The following SULF2 variants were observed in gnomAD, a reference collection of about 807,000 sequenced individuals.
The protein encoded by SULF2 is extracellular sulfatase Sulf-2.
In SULF2, 52 loss-of-function variants were observed where a neutral mutation model predicts 107.7. That is an observed-to-expected ratio of 0.48 (90% CI 0.39 to 0.61). SULF2 has a LOEUF of 0.61. Ranked by LOEUF, SULF2 falls within the 20% of genes least tolerant of loss-of-function variation. SULF2 has a pLI of 0.00. For synonymous variants in SULF2, 460 were observed against 464.3 expected, an observed-to-expected ratio of 0.99 and a Z score of 0.12; for missense variants, 993 against 1,177.3, an observed-to-expected ratio of 0.84 and a Z score of 2.29.
Position 47,664,122 on chromosome 20 carries a change from G to T in SULF2, c.2057+8C>A, listed in dbSNP as rs2087183342. ...CATCTCTTCCCCAGGACCTCAAGCT[G>T]CTCTTACCTGAAAGGATGCAGACTG... On this transcript the variant is annotated splice_region_variant and intron_variant, in intron 15 of 20. Transcript: ENST00000688720. 1 of 1,613,434 alleles carries T rather than the reference G, an allele frequency of 6.2e-7. No individual in the cohort carries two copies. Among genetic ancestry groups the T allele is most frequent in the South Asian group, 1.1e-5 (1 of 90,948 alleles).
chr20:47,665,868 T>G lies in SULF2; in HGVS notation c.1891A>C (p.Ile631Leu). ...LQAWKDHKLH[I>L]DHEIETLQNK... ...CGCTCTCCACTCACCTCGTGGTCGA[T>G]GTGCAGCTTGTGGTCTTTCCAGGCC... is the stretch of plus-strand genomic sequence containing the variant. The change falls in exon 13 of 21, where the codon ATC becomes CTC. Residue 631 changes from isoleucine to leucine, a missense_variant. Physicochemically the swap from Ile to Leu is conservative, Grantham distance 5 (BLOSUM62 2). Coordinates refer to ENST00000688720, the MANE Select transcript of SULF2 (RefSeq NM_001387048.1). 1 of 1,613,882 alleles carries G rather than the reference T, an allele frequency of 6.2e-7. No individual in the cohort carries two copies. The highest frequency in any genetic ancestry group is 8.5e-7 in the Non-Finnish European group (1 of 1,179,864).
chr20:47,754,835 T>G (rs2090243896), intron 2 of SULF2, among the ~76,000 whole-genome samples: 1 of 152,144 alleles, frequency 6.6e-6, no homozygotes. Flanking sequence ...GTTCAAATCT[T>G]GTTTTTCTCT....
Position 47,694,324 on chromosome 20 carries a change from G to A in SULF2, c.568-4029C>T, listed in dbSNP as rs2088302906. Among the ~76,000 whole-genome samples the A allele has an allele frequency of 6.6e-6, 1 of 152,142 alleles. No homozygotes were observed. ...GGAGGGGCGGGTGACCCCCACCCCT[G>A]TTGGTCTCTGGTTTGGGCAGTTGAG... On this transcript the variant is annotated intron_variant, in intron 4 of 20. Coordinates refer to ENST00000688720, the MANE Select transcript of SULF2 (RefSeq NM_001387048.1). The surrounding 1 kb of genome is among the most constrained non-coding windows in gnomAD (Gnocchi z 4.4).
At chr20:47,664,674 G>A (rs1280199497) in intron 14 of SULF2, among the ~76,000 whole-genome samples, 1 of 152,186 alleles carries the variant, frequency 6.6e-6, no homozygotes, top group Non-Finnish European at 1.5e-5. Flanking sequence ...GTCCAGTATG[G>A]TAGCCACTGG....
upstream of SULF2, chr20:47,785,534 A>AGCGCCG (rs1568941965): frequency 2.1e-5 from 2 of 96,278 alleles, no homozygotes; most frequent in Non-Finnish European, 4.6e-5. Flanking sequence ...CCCGCCCCCC[A>AGCGCCG]ACGCCGCCGC....
intron 4 of SULF2, 40 bp downstream of exon 4, chr20:47,702,479 G>A: frequency 6.3e-7 from 1 of 1,598,256 alleles, no homozygotes; most frequent in Non-Finnish European, 8.5e-7. Context: ...TAACTGCTGG[G>A]CCACACAGCC....
chr20:47,669,313 CGTGGATCAAG>C (rs1443000498), intron 11 of SULF2, among the ~76,000 whole-genome samples: 1 of 152,182 alleles, frequency 6.6e-6, no homozygotes, highest in Non-Finnish European at 1.5e-5. Flanking sequence ...CCAGGATCCC[CGTGGATCAAG>C]GTGGGCCAGG....
intron 1 of SULF2, among the ~76,000 whole-genome samples, chr20:47,778,012 G>C (rs1021518571): frequency 7.9e-5 from 12 of 151,426 alleles, no homozygotes; most frequent in Non-Finnish European, 1.5e-4. Flanking sequence ...ATGGTGGCCT[G>C]TGCCTATAGT....
intron 1 of SULF2, among the ~76,000 whole-genome samples, chr20:47,764,335 T>G (rs2146941361): frequency 6.7e-6 from 1 of 150,130 alleles, no homozygotes; most frequent in African/African-American, 2.5e-5. Context: ...AAAACAATGC[T>G]TGCGGCATAG....
chr20:47,761,142 C>T (rs2146927456), intron 1 of SULF2, among the ~76,000 whole-genome samples: 1 of 152,328 alleles, frequency 6.6e-6, no homozygotes, highest in African/African-American at 2.4e-5. Flanking sequence ...ACCGCTGCAG[C>T]TGTCCTGCGT....
intron 1 of SULF2, among the ~76,000 whole-genome samples, chr20:47,772,428 T>C (rs2146971029): frequency 6.6e-6 from 1 of 151,028 alleles, no homozygotes; most frequent in South Asian, 2.1e-4. Flanking sequence ...CATACTTAGA[T>C]GGCAACAGTA....
chr20:47,766,253 G>A (rs2090526192), intron 1 of SULF2, among the ~76,000 whole-genome samples: 1 of 152,152 alleles, frequency 6.6e-6, no homozygotes, highest in African/African-American at 2.4e-5. Flanking sequence ...CCTCCTCTTT[G>A]GGGCCGTCAA....
At chr20:47,721,674 T>C (rs1353416326) in intron 3 of SULF2, among the ~76,000 whole-genome samples, 1 of 152,162 alleles carries the variant, frequency 6.6e-6, no homozygotes, top group African/African-American at 2.4e-5. Flanking sequence ...CCGGCCTGCA[T>C]GTGGGTTTCT....
chr20:47,690,497 A>C (rs1467084788), intron 4 of SULF2, among the ~76,000 whole-genome samples: 1 of 152,240 alleles, frequency 6.6e-6, no homozygotes. Flanking sequence ...AAATGATGCA[A>C]ATGGTGCTAA....
intron 1 of SULF2, among the ~76,000 whole-genome samples, chr20:47,764,959 C>G (rs1310766146): frequency 1.3e-5 from 2 of 152,202 alleles, no homozygotes; most frequent in Admixed American, 6.5e-5. Context: ...AAGGCACGGA[C>G]AGGTTCCAGA....
At chr20:47,698,514 G>C (rs1241557418) in intron 4 of SULF2, among the ~76,000 whole-genome samples, 1 of 152,102 alleles carries the variant, frequency 6.6e-6, no homozygotes, top group Non-Finnish European at 1.5e-5. Flanking sequence ...ACCAGGAGGA[G>C]AGAGAGCTTC....
chr20:47,708,954 C>T (rs544704724), intron 3 of SULF2, among the ~76,000 whole-genome samples: 1 of 152,308 alleles, frequency 6.6e-6, no homozygotes, highest in Admixed American at 6.5e-5. Context: ...ATTATTCAGT[C>T]TCCACCAGGC....
At chr20:47,739,096 C>A (rs2089815870) in intron 2 of SULF2, among the ~76,000 whole-genome samples, 1 of 152,164 alleles carries the variant, frequency 6.6e-6, no homozygotes, top group Non-Finnish European at 1.5e-5. Context: ...TCCCCTAGAG[C>A]CTTCTGAGGA....
At position 47,678,542 on chromosome 20, in the gene SULF2, T is replaced by C. The variant is rs545447466; in HGVS notation, c.1193+134A>G. The stretch of plus-strand genomic sequence containing the variant: ...CTTCTCTCCCACAGCAGGTAAGTGG[T>C]TGGCATGGCGGGACCTGAGAACCCC... On this transcript the variant is annotated intron_variant, in intron 8 of 20. Coordinates refer to ENST00000688720, the MANE Select transcript of SULF2 (RefSeq NM_001387048.1). The surrounding 1 kb of genome is among the most constrained non-coding windows in gnomAD (Gnocchi z 4.5). The C allele has an allele frequency of 5.6e-6, 5 of 897,058 alleles. No individual in the cohort carries two copies. The African/African-American group carries it at 8.1e-5, about 14-fold the overall frequency. The allele number at this position is 897,058 out of a possible 1,614,324, so 55.6% of individuals were successfully genotyped here. A position where few individuals can be genotyped will look rare whatever the true frequency, so the allele number is the denominator to read the frequency against.
Sources: allele counts gnomAD v4.1 joint callset (sites outside exome capture counted in the v4.1 genomes callset), GRCh38; gene constraint gnomAD v4.1.1; non-coding constraint Gnocchi (gnomAD v3.1); transcripts MANE v1.5; gene names NCBI Gene and HGNC (gene_info 2026-07-23, HGNC 2026-07-21).